GALNT13: variants seen among roughly 807,000 people sequenced by gnomAD.
GALNT13 encodes the protein polypeptide N-acetylgalactosaminyltransferase 13.
GALNT13 carries 28 observed loss-of-function variants against 64.2 expected under a neutral mutation model. That is an observed-to-expected ratio of 0.44 (90% CI 0.32 to 0.60). The LOEUF is 0.60. Among genes scored for constraint, GALNT13 ranks in the 20% least tolerant of loss-of-function variants. GALNT13 has a pLI of 0.05. For missense variants in GALNT13, 577 were observed against 669.8 expected (o/e 0.86, Z 1.53); for synonymous variants, 214 against 224.6 (o/e 0.95, Z 0.42).
At chr2:153,987,305 G>C (rs1468115635) in intron 3 of GALNT13, among the ~76,000 whole-genome samples, 1 of 151,808 alleles carries the variant, frequency 6.6e-6, no homozygotes, top group Non-Finnish European at 1.5e-5. Context: ...CAAGTTCGTT[G>C]TTGTCTGTTG....
At chr2:153,834,030 T>C in the GALNT13 span, among the ~76,000 whole-genome samples, 2 of 152,122 alleles carry the variant, frequency 1.3e-5, no homozygotes, top group African/African-American at 2.4e-5. Context: ...TTTTTGTGAT[T>C]TAGGCATACT....
intron 1 of GALNT13, among the ~76,000 whole-genome samples, chr2:153,886,005 G>A (rs1473320458): frequency 6.6e-6 from 1 of 151,956 alleles, no homozygotes; most frequent in African/African-American, 2.4e-5. Flanking sequence ...AATGGAGAGA[G>A]AGACAGAGAG....
At chr2:154,370,293 C>T (rs953373667) in intron 9 of GALNT13, among the ~76,000 whole-genome samples, 2 of 152,038 alleles carry the variant, frequency 1.3e-5, no homozygotes, top group African/African-American at 4.8e-5. Flanking sequence ...ATCCAAAAAT[C>T]ATTGAACAGG....
At chr2:153,093,236 C>CTTTT in the GALNT13 span, among the ~76,000 whole-genome samples, 42 of 129,008 alleles carry the variant, frequency 3.3e-4, 3 homozygotes, top group Non-Finnish European at 3.6e-4. Context: ...TTTTTCTTTT[C>CTTTT]TTTTCTTTTT....
chr2:153,366,796 G>T, the GALNT13 span, among the ~76,000 whole-genome samples: 1 of 142,290 alleles, frequency 7.0e-6, no homozygotes, highest in African/African-American at 2.7e-5. Flanking sequence ...TAACCAAACT[G>T]CTGAAAACGA....
chr2:154,264,967 T>TGA (rs1236597213), intron 8 of GALNT13, among the ~76,000 whole-genome samples: 1 of 148,742 alleles, frequency 6.7e-6, no homozygotes, highest in African/African-American at 2.5e-5. Flanking sequence ...GATACCTATA[T>TGA]GATAAAAAAA....
the GALNT13 span, among the ~76,000 whole-genome samples, chr2:153,692,627 T>C: frequency 6.6e-6 from 1 of 152,224 alleles, no homozygotes; most frequent in Admixed American, 6.5e-5. Context: ...TTTTTTCTAT[T>C]GATTAGCAAT....
intron 3 of GALNT13, among the ~76,000 whole-genome samples, chr2:154,118,634 G>C (rs577834001): frequency 1.3e-5 from 2 of 151,174 alleles, no homozygotes; most frequent in South Asian, 4.2e-4. Flanking sequence ...TTTCTGTAGT[G>C]GTTCATGCTT....
At chr2:153,654,560 T>C in the GALNT13 span, among the ~76,000 whole-genome samples, 3 of 152,124 alleles carry the variant, frequency 2.0e-5, no homozygotes, top group African/African-American at 4.8e-5. Flanking sequence ...AGCAATACTT[T>C]AGTGTAGTAT....
intron 3 of GALNT13, among the ~76,000 whole-genome samples, chr2:153,963,755 G>C (rs1460937385): frequency 2.7e-5 from 4 of 150,340 alleles, no homozygotes; most frequent in South Asian, 2.1e-4. Flanking sequence ...GTGTGTGTGT[G>C]TGTGTGTGTG....
At chr2:153,979,810 C>T (rs960098542) in intron 3 of GALNT13, among the ~76,000 whole-genome samples, 4 of 151,856 alleles carry the variant, frequency 2.6e-5, no homozygotes, top group African/African-American at 9.7e-5. Flanking sequence ...TGCTTTTTGC[C>T]GAGACAAAAA....
intron 8 of GALNT13, among the ~76,000 whole-genome samples, chr2:154,283,214 A>AT (rs199567460): frequency 1.9e-3 from 292 of 151,718 alleles, no homozygotes; most frequent in African/African-American, 6.2e-3. Flanking sequence ...ACTGATAGGG[A>AT]TTTTTTTTTA....
chr2:153,089,840 A>C, the GALNT13 span, among the ~76,000 whole-genome samples: 1 of 151,646 alleles, frequency 6.6e-6, no homozygotes, highest in African/African-American at 2.4e-5. Flanking sequence ...TCCATATCCC[A>C]TATTGCTTTT....
intron 4 of GALNT13, among the ~76,000 whole-genome samples, chr2:154,146,850 TCTC>T (rs1683633679): frequency 6.6e-6 from 1 of 152,110 alleles, no homozygotes; most frequent in Admixed American, 6.6e-5. Flanking sequence ...TCTTGCCACT[TCTC>T]CACAATTTAT....
chr2:153,340,395 G>A, the GALNT13 span, among the ~76,000 whole-genome samples: 2 of 151,966 alleles, frequency 1.3e-5, no homozygotes, highest in African/African-American at 4.8e-5. Context: ...GGTGGCTCAC[G>A]CCTGTAATCC....
chr2:153,912,561 T>C (rs1490931644), intron 2 of GALNT13, among the ~76,000 whole-genome samples: 1 of 150,308 alleles, frequency 6.7e-6, no homozygotes, highest in Non-Finnish European at 1.5e-5. Context: ...GTATTTGAAG[T>C]TCCTATCATT....
chr2:154,165,826 C>A (rs1223361082), intron 4 of GALNT13, among the ~76,000 whole-genome samples: 1 of 152,144 alleles, frequency 6.6e-6, no homozygotes. Flanking sequence ...GAAGAGAAAG[C>A]TATTAGCTGA....
At chr2:153,908,123 C>G (rs190842478) in intron 2 of GALNT13, among the ~76,000 whole-genome samples, 1 of 152,066 alleles carries the variant, frequency 6.6e-6, no homozygotes, top group Non-Finnish European at 1.5e-5. Flanking sequence ...GATGGTATCT[C>G]ATGGTGGTTT....
At chr2:154,329,354 C>T (rs1193283440) in intron 9 of GALNT13, among the ~76,000 whole-genome samples, 9 of 152,192 alleles carry the variant, frequency 5.9e-5, no homozygotes, top group African/African-American at 1.4e-4. Flanking sequence ...CTACCCGCCT[C>T]GGCCTCCCAA....
Sources: gnomAD v4.1 joint callset for allele counts (sites outside exome capture counted in the v4.1 genomes callset) on GRCh38, gnomAD v4.1.1 for gene constraint, MANE v1.5 for transcripts, NCBI Gene and HGNC (gene_info 2026-07-23, HGNC 2026-07-21) for gene names.